Variants in SEMA6D observed in about 807,000 individuals in gnomAD.
SEMA6D encodes the protein semaphorin 6D.
Under a neutral mutation model 106.6 loss-of-function variants are expected in SEMA6D, and 35 were observed. The observed-to-expected ratio is 0.33, with a 90% CI of 0.25 to 0.44. The LOEUF is 0.44. SEMA6D is among the 20% of genes least tolerant of loss of function. The pLI is 1.00. For synonymous variants in SEMA6D, 499 were observed against 487.7 expected (o/e 1.02, Z -0.31); for missense variants, 1,185 against 1,345.9 (o/e 0.88, Z 1.87).
chr15:47,469,788 A>G (rs1349604193), intron 2 of SEMA6D, among the ~76,000 whole-genome samples: 3 of 152,146 alleles, frequency 2.0e-5, no homozygotes, highest in Non-Finnish European at 2.9e-5. Flanking sequence ...ACTTATTACT[A>G]CTTTTAAGAT....
intron 1 of SEMA6D, among the ~76,000 whole-genome samples, chr15:47,392,113 C>T (rs943412051): frequency 4.6e-5 from 7 of 152,074 alleles, no homozygotes; most frequent in Admixed American, 2.6e-4. Flanking sequence ...ACCAACCACT[C>T]GTTCACAACT....
chr15:47,353,343 G>A (rs1272741229), intron 1 of SEMA6D, among the ~76,000 whole-genome samples: 2 of 152,090 alleles, frequency 1.3e-5, no homozygotes, highest in Non-Finnish European at 2.9e-5. Context: ...GGGCTGCCTA[G>A]AGCCAATGAA....
In SEMA6D at chr15:47,217,874, T is replaced by TACACACACACACAC. The variant is rs150525483; in HGVS notation, c.-239+33475_-239+33488dup. On this transcript the variant is annotated intron_variant, in intron 1 of 19. Coordinates refer to the SEMA6D transcript ENST00000558014. ...TGCTTCCTGCTTGCATGTACACACATACACACACACACACACACACACACA... is the reference window on the plus strand; with the variant it reads ...TGCTTCCTGCTTGCATGTACACACATACACACACACACACACACACACACACACACACACACACA... 5.1e-3 allele frequency among the ~76,000 whole-genome samples: 728 copies of TACACACACACACAC among 143,130 alleles called. 11 individuals are homozygous for TACACACACACACAC. The highest frequency in any genetic ancestry group is 0.017 in the African/African-American group (638 of 38,414). 93.9% of individuals were successfully genotyped at this position (143,130 alleles called of 152,430 possible).
chr15:47,273,106 C>G (rs1337340765), intron 1 of SEMA6D, among the ~76,000 whole-genome samples: 2 of 152,176 alleles, frequency 1.3e-5, no homozygotes, highest in African/African-American at 4.8e-5. Context: ...GTTTGTTTCA[C>G]TACTTTGTGG....
intron 4 of SEMA6D, among the ~76,000 whole-genome samples, chr15:47,663,281 G>C (rs188563529): frequency 6.6e-6 from 1 of 152,154 alleles, no homozygotes; most frequent in Non-Finnish European, 1.5e-5. Flanking sequence ...AAAAGGCTAA[G>C]TGTGTTCAGT....
intron 1 of SEMA6D, among the ~76,000 whole-genome samples, chr15:47,295,411 A>G (rs1454983046): frequency 6.6e-6 from 1 of 152,214 alleles, no homozygotes. Context: ...TCCTCTCTCT[A>G]AATTAACAGT....
At position 47,453,977 on chromosome 15, in the gene SEMA6D, G is replaced by A. The variant is rs115112165; in HGVS notation, c.-158-16497G>A. Among the ~76,000 whole-genome samples, 1,313 of 152,050 alleles carry A rather than the reference G, an allele frequency of 8.6e-3. 18 individuals carry two copies. The highest frequency in any genetic ancestry group is 0.03 in the African/African-American group (1,261 of 41,522). On this transcript the variant is annotated intron_variant, in intron 2 of 19. Coordinates refer to the SEMA6D transcript ENST00000558014. The stretch of plus-strand genomic sequence containing the variant: ...ATCTGACGCCCCAATGATTGTGGCT[G>A]CCACTGCTTCATGAGACTAAAAAAT...
intron 1 of SEMA6D, among the ~76,000 whole-genome samples, chr15:47,348,779 A>G (rs1220409666): frequency 9.1e-6 from 1 of 110,034 alleles, no homozygotes; most frequent in African/African-American, 4.1e-5. Context: ...TTTTCCTGCT[A>G]TGCCAGACCA....
chr15:47,689,259 T>C (rs1321655870), intron 4 of SEMA6D, among the ~76,000 whole-genome samples: 1 of 152,334 alleles, frequency 6.6e-6, no homozygotes, highest in African/African-American at 2.4e-5. Context: ...CATTTTTATA[T>C]GGATAACTGG....
At chr15:47,301,687 C>G (rs2036025649) in intron 1 of SEMA6D, among the ~76,000 whole-genome samples, 1 of 152,236 alleles carries the variant, frequency 6.6e-6, no homozygotes, top group Non-Finnish European at 1.5e-5. Flanking sequence ...TGCTGCCACT[C>G]TCTGCCAGGT....
intron 1 of SEMA6D, among the ~76,000 whole-genome samples, chr15:47,310,275 A>G (rs1496911): frequency 0.99 from 150,619 of 152,340 alleles, 74,471 homozygotes; most frequent in Middle Eastern, 1. Context: ...GCCCCATCAT[A>G]TAATGAACTG....
intron 3 of SEMA6D, among the ~76,000 whole-genome samples, chr15:47,492,972 C>T (rs1380586118): frequency 1.3e-5 from 2 of 152,028 alleles, no homozygotes; most frequent in Non-Finnish European, 2.9e-5. Flanking sequence ...AGCAGGACAG[C>T]AGGAGAAACA....
chr15:47,581,412 A>G, intron 3 of SEMA6D: 1 of 486,730 alleles, frequency 2.1e-6, no homozygotes, highest in Admixed American at 2.0e-5. Context: ...AAGTAGTTTG[A>G]GAAAAGTAAA....
rs377383696 is a variant in SEMA6D, at chr15:47,571,357, T to G, written c.-86-29508T>G. Among the ~76,000 whole-genome samples the G allele has an allele frequency of 3.3e-5, 5 of 152,254 alleles. No homozygotes were observed. The East Asian group carries it at 9.6e-4, about 29-fold the overall frequency. ...CAGAGGCTAATGCTCCTGGAATTTA[T>G]TCAAGTGGCTGCCATGGCCATTGGC... On this transcript the variant is annotated intron_variant, in intron 3 of 19. Coordinates refer to the SEMA6D transcript ENST00000558014.
intron 4 of SEMA6D, among the ~76,000 whole-genome samples, chr15:47,626,656 TTA>T (rs2144373104): frequency 6.6e-6 from 1 of 152,320 alleles, no homozygotes; most frequent in Non-Finnish European, 1.5e-5. Context: ...GTTCTTATTT[TTA>T]TGTTTTTCTG....
intron 1 of SEMA6D, among the ~76,000 whole-genome samples, chr15:47,325,734 C>T (rs1050812918): frequency 6.6e-6 from 1 of 152,140 alleles, no homozygotes; most frequent in Admixed American, 6.5e-5. Context: ...CTGTTTTCCT[C>T]CTTGCATATC....
At chr15:47,473,754 T>C (rs1040257342) in intron 3 of SEMA6D, among the ~76,000 whole-genome samples, 13 of 152,188 alleles carry the variant, frequency 8.5e-5, no homozygotes, top group South Asian at 2.1e-4. Context: ...GCTCTGATTA[T>C]CAGCAAACTC....
chr15:47,301,964 G>A (rs556527517), intron 1 of SEMA6D, among the ~76,000 whole-genome samples: 1 of 152,266 alleles, frequency 6.6e-6, no homozygotes, highest in Non-Finnish European at 1.5e-5. Flanking sequence ...AGAGACTAGA[G>A]GAAGTAGAAA....
chr15:47,242,592 G>A (rs567213880), intron 1 of SEMA6D, among the ~76,000 whole-genome samples: 2 of 152,288 alleles, frequency 1.3e-5, no homozygotes, highest in East Asian at 3.9e-4. Flanking sequence ...TTGAAGTTTT[G>A]TTAAATCTGC....
Sources: allele counts gnomAD v4.1 joint callset (sites outside exome capture counted in the v4.1 genomes callset), GRCh38; gene constraint gnomAD v4.1.1; transcripts MANE v1.5; gene names NCBI Gene and HGNC (gene_info 2026-07-23, HGNC 2026-07-21).